The following POLQ variants were observed in gnomAD, a reference collection of about 807,000 sequenced individuals.
The protein encoded by POLQ is DNA polymerase theta, also known as epididymis secretory sperm binding protein.
Under a neutral mutation model 259.2 loss-of-function variants are expected in POLQ, and 233 were observed. The observed-to-expected ratio is 0.90, with a 90% CI of 0.81 to 1.00. POLQ has a LOEUF of 1.00. Ranked by LOEUF, POLQ falls within the 50% of genes least tolerant of loss-of-function variation. The pLI is 0.00. For synonymous variants in POLQ, 1,025 were observed against 1,048.8 expected, an observed-to-expected ratio of 0.98 and a Z score of 0.44; for missense variants, 2,871 against 3,051.6, an observed-to-expected ratio of 0.94 and a Z score of 1.39.
intron 26 of POLQ, among the ~76,000 whole-genome samples, chr3:121,441,484 CTG>C (rs2047592081): frequency 6.6e-6 from 1 of 152,120 alleles, no homozygotes; most frequent in African/African-American, 2.4e-5. Context: ...TTGAATGACA[CTG>C]TATATGCTCA....
At chr3:121,518,311 G>T (rs2048313354) in intron 9 of POLQ, among the ~76,000 whole-genome samples, 1 of 152,084 alleles carries the variant, frequency 6.6e-6, no homozygotes, top group Admixed American at 6.5e-5. Context: ...TTGCTTGGGG[G>T]TCATGTTAAA....
intron 25 of POLQ, 87 bp downstream of exon 25, chr3:121,459,963 T>A (rs771297752): frequency 5.0e-5 from 49 of 984,334 alleles, no homozygotes; most frequent in Non-Finnish European, 7.2e-5. Flanking sequence ...AAACTGTTTC[T>A]CAGCTGCAAA....
At chr3:121,494,199 C>T (rs2048095426) in intron 14 of POLQ, 7 of 1,322,560 alleles carry the variant, frequency 5.3e-6, no homozygotes, top group South Asian at 3.6e-5. Flanking sequence ...TGGTGAATCC[C>T]GTTTGTGAAA....
chr3:121,522,063 AAGGC>A lies in POLQ; in HGVS notation c.1191_1194del (p.Leu397PhefsTer16). On this transcript the variant is annotated frameshift_variant, in exon 8 of 30. Coordinates refer to ENST00000264233, the MANE Select transcript of POLQ (RefSeq NM_199420.4). LOFTEE classifies it high-confidence loss of function. The stretch of plus-strand genomic sequence containing the variant: ...TTCTGTAATACAGAGTCCAGTCCTG[AAGGC>A]AAACGTCTTAACTGATCCATCACTT... 1 of 1,609,284 alleles carries A rather than the reference AAGGC, an allele frequency of 6.2e-7. No homozygotes were observed. Among genetic ancestry groups the A allele is most frequent in the Non-Finnish European group, 8.5e-7 (1 of 1,177,212 alleles).
chr3:121,453,323 A>G (rs1407898865), intron 25 of POLQ, among the ~76,000 whole-genome samples: 1 of 152,230 alleles, frequency 6.6e-6, no homozygotes, highest in Non-Finnish European at 1.5e-5. Flanking sequence ...AACTCTAAAA[A>G]GCAGAGCGCC....
At chr3:121,528,426 C>T (rs1269761806) in intron 7 of POLQ, among the ~76,000 whole-genome samples, 2 of 151,844 alleles carry the variant, frequency 1.3e-5, no homozygotes, top group African/African-American at 4.8e-5. Context: ...TCACTGCAAC[C>T]TCTGCCTCCC....
rs1003695059 is a variant in POLQ at position 121,486,528 on chromosome 3, T to G, written c.5629+774A>C. On this transcript the variant is annotated intron_variant, in intron 16 of 29. Coordinates refer to ENST00000264233, the MANE Select transcript of POLQ (RefSeq NM_199420.4). ...GACATCATGCCACTGTACTCCAGCCTGGCCAATAGCGAGATTCTGTCTAAA... is the reference window on the plus strand; with the variant it reads ...GACATCATGCCACTGTACTCCAGCCGGGCCAATAGCGAGATTCTGTCTAAA... 4.0e-5 allele frequency among the ~76,000 whole-genome samples: 6 copies of G among 151,762 alleles called. No individual in the cohort carries two copies. The East Asian group carries it at 1.2e-3, about 29-fold the overall frequency.
At chr3:121,469,925 C>T (rs1402727757) in intron 22 of POLQ, among the ~76,000 whole-genome samples, 1 of 152,104 alleles carries the variant, frequency 6.6e-6, no homozygotes, top group East Asian at 1.9e-4. Context: ...TTTATTTGTT[C>T]TTTACGAACA....
At chr3:121,501,649 G>A (rs1299158758) in intron 12 of POLQ, among the ~76,000 whole-genome samples, 17 of 105,748 alleles carry the variant, frequency 1.6e-4, no homozygotes, top group African/African-American at 5.7e-4. Flanking sequence ...GCGACAGAGC[G>A]AGACTCCGTC....
chr3:121,505,848 A>G (rs1178550838), intron 12 of POLQ, among the ~76,000 whole-genome samples: 1 of 22,022 alleles, frequency 4.5e-5, no homozygotes, highest in Non-Finnish European at 1.1e-4. Flanking sequence ...ATCTCTACTA[A>G]AAAAAAAAAA....
chr3:121,443,054 C>T (rs2047606799), intron 26 of POLQ, among the ~76,000 whole-genome samples: 1 of 152,154 alleles, frequency 6.6e-6, no homozygotes, highest in Non-Finnish European at 1.5e-5. Flanking sequence ...GATGGGGTTT[C>T]ACCATATTGG....
intron 9 of POLQ, among the ~76,000 whole-genome samples, chr3:121,513,672 AC>A (rs962987780): frequency 6.8e-6 from 1 of 147,860 alleles, no homozygotes; most frequent in Non-Finnish European, 1.5e-5. Context: ...AGGCTTTACT[AC>A]CCCCCTCCCC....
chr3:121,490,978 C>T (rs2048063920), intron 15 of POLQ, among the ~76,000 whole-genome samples: 1 of 151,992 alleles, frequency 6.6e-6, no homozygotes. Flanking sequence ...TCACTCGAAC[C>T]CAGGAGGCGT....
intron 2 of POLQ, among the ~76,000 whole-genome samples, chr3:121,543,145 AG>A (rs1457279671): frequency 7.9e-5 from 12 of 152,314 alleles, no homozygotes; most frequent in African/African-American, 2.9e-4. Flanking sequence ...GAGATATATG[AG>A]GTAACAGACA....
At chr3:121,466,858 T>C (rs559428722) in intron 24 of POLQ, among the ~76,000 whole-genome samples, 1 of 152,318 alleles carries the variant, frequency 6.6e-6, no homozygotes, top group South Asian at 2.1e-4. Flanking sequence ...TATAAGTTTC[T>C]GATGGAATTT....
At chr3:121,540,047 C>T (rs1416515155) in intron 3 of POLQ, among the ~76,000 whole-genome samples, 1 of 151,582 alleles carries the variant, frequency 6.6e-6, no homozygotes, top group East Asian at 1.9e-4. Flanking sequence ...TTCAGTGGGA[C>T]TTTAATAATA....
chr3:121,485,780 G>T (rs2048006113), intron 16 of POLQ, among the ~76,000 whole-genome samples: 1 of 152,120 alleles, frequency 6.6e-6, no homozygotes. Context: ...TACAGAAAAT[G>T]TGCTCAATTT....
chr3:121,529,903 A>C, intron 6 of POLQ, 111 bp from the exon 7 acceptor site: 1 of 703,608 alleles, frequency 1.4e-6, no homozygotes, highest in Non-Finnish European at 2.3e-6. Flanking sequence ...TTTAAGGCAT[A>C]ATGAAAATCA....
intron 15 of POLQ, among the ~76,000 whole-genome samples, chr3:121,491,210 G>A (rs561119932): frequency 2.0e-4 from 31 of 151,748 alleles, no homozygotes; most frequent in African/African-American, 5.1e-4. Context: ...AAAATTGGCC[G>A]GGTGTGGTGA....
Sources: allele counts gnomAD v4.1 joint callset (sites outside exome capture counted in the v4.1 genomes callset), GRCh38; gene constraint gnomAD v4.1.1; transcripts MANE v1.5; gene names NCBI Gene and HGNC (gene_info 2026-07-23, HGNC 2026-07-21).